WDR72: variants seen among roughly 807,000 people sequenced by gnomAD.
WDR72 encodes the protein WD repeat domain 72, also known as WD repeat-containing protein 72.
A neutral mutation model predicts 124.2 loss-of-function variants in WDR72; 120 were observed. That is an observed-to-expected ratio of 0.97 (90% CI 0.83 to 1.12). WDR72 has a LOEUF of 1.12. Ranked by LOEUF, WDR72 falls within the 50% of genes most tolerant of loss-of-function variation. WDR72 has a pLI of 0.00. For synonymous variants in WDR72, 452 were observed against 441.7 expected, an observed-to-expected ratio of 1.02 and a Z score of -0.29; for missense variants, 1,387 against 1,278.8, an observed-to-expected ratio of 1.08 and a Z score of -1.29.
intron 13 of WDR72, among the ~76,000 whole-genome samples, chr15:53,677,999 T>C (rs1301418194): frequency 6.6e-6 from 1 of 152,124 alleles, no homozygotes; most frequent in Non-Finnish European, 1.5e-5. Context: ...GTATTTTAAC[T>C]AAAAAGACAG....
In WDR72 at chr15:53,516,305, G is replaced by A. The variant is rs1891458066; in HGVS notation, c.*1394C>T. ...ATCTTTATCCTGGTATGTTTATTCA[G>A]ATCATCATTAATTATAAGTTCCTTA... is the stretch of plus-strand genomic sequence containing the variant. On this transcript the variant is annotated 3_prime_UTR_variant, in exon 20 of 20. Transcript: ENST00000360509. 1 of 152,060 alleles carries A rather than the reference G, an allele frequency of 6.6e-6. No homozygotes were observed. The highest frequency in any genetic ancestry group is 2.4e-5 in the African/African-American group (1 of 41,430). The allele number at this position is 152,060 out of a possible 1,614,324, so 9.4% of individuals were successfully genotyped here.
chr15:53,625,320 A>G (rs1343193806), intron 14 of WDR72, among the ~76,000 whole-genome samples: 2 of 152,174 alleles, frequency 1.3e-5, no homozygotes, highest in African/African-American at 4.8e-5. Context: ...TAATTCCCCA[A>G]CATGTGATTT....
In WDR72 at chr15:53,597,114, T is replaced by C; in HGVS notation, c.3113A>G (p.Glu1038Gly). The C allele has an allele frequency of 6.2e-7, 1 of 1,613,892 alleles. No individual in the cohort carries two copies. Among genetic ancestry groups the C allele is most frequent in the Non-Finnish European group, 8.5e-7 (1 of 1,179,872 alleles). Residue 1038 changes from glutamate to glycine, a missense_variant, in exon 18 of 20, where the codon GAG (glutamate) becomes GGG (glycine). By Grantham distance (98) the Glu-to-Gly change is moderately conservative (BLOSUM62 -2). Coordinates refer to ENST00000360509, the MANE Select transcript of WDR72 (RefSeq NM_182758.4). The part of the protein sequence containing the change: ...LPKLEWTEEL[E>G]LQCVRNTLPL... Reference sequence around the variant, plus strand: ...CAAAGTGTTTCTAACACACTGTAACTCTAGTTCTTCTGTCCATTCCAGCTT... The same window carrying C: ...CAAAGTGTTTCTAACACACTGTAACCCTAGTTCTTCTGTCCATTCCAGCTT...
At chr15:53,743,771 T>G (rs994866524) in intron 1 of WDR72, among the ~76,000 whole-genome samples, 3 of 147,868 alleles carry the variant, frequency 2.0e-5, no homozygotes, top group Non-Finnish European at 4.5e-5. Context: ...GGTCAGGAGA[T>G]CAAGACCATC....
At chr15:53,731,551 G>C (rs1193664968) in intron 2 of WDR72, among the ~76,000 whole-genome samples, 4 of 151,682 alleles carry the variant, frequency 2.6e-5, no homozygotes, top group African/African-American at 9.7e-5. Flanking sequence ...TCTGTAGATA[G>C]TAACAGATGT....
intron 18 of WDR72, among the ~76,000 whole-genome samples, chr15:53,539,709 G>C (rs1248763866): frequency 1.3e-5 from 2 of 151,340 alleles, no homozygotes; most frequent in Admixed American, 1.3e-4. Flanking sequence ...GAGAAAGAGA[G>C]ATTTTGAGGA....
At position 53,716,687 on chromosome 15, in the gene WDR72, T is replaced by C. The variant is rs747243413; in HGVS notation, c.261-2A>G. 2 of 1,568,762 alleles carry C rather than the reference T, an allele frequency of 1.3e-6. No individual in the cohort carries two copies. The highest frequency in any genetic ancestry group is 8.7e-7 in the Non-Finnish European group (1 of 1,149,820). ...GTGACATTCCAAACACACATCTCCC[T>C]AGCAGAAGATAACTTTGTGTTATTC... On this transcript the variant is annotated splice_acceptor_variant, in intron 3 of 19. Transcript: ENST00000360509. LOFTEE classifies it high-confidence loss of function.
chr15:53,724,542 G>A (rs1343287737), intron 2 of WDR72, among the ~76,000 whole-genome samples: 2 of 152,122 alleles, frequency 1.3e-5, no homozygotes, highest in African/African-American at 4.8e-5. Context: ...TGGCAGAGCA[G>A]GAGACAGAGA....
chr15:53,608,764 A>G (rs2013400623), intron 17 of WDR72, among the ~76,000 whole-genome samples: 1 of 147,978 alleles, frequency 6.8e-6, no homozygotes, highest in Non-Finnish European at 1.5e-5. Flanking sequence ...TCAAAAATAA[A>G]TAAATAAATA....
chr15:53,662,521 T>C (rs1412318879), intron 14 of WDR72, among the ~76,000 whole-genome samples: 4 of 152,178 alleles, frequency 2.6e-5, no homozygotes, highest in African/African-American at 7.2e-5. Flanking sequence ...TGTGTCTTAC[T>C]AAAATCCACA....
At position 53,571,196 on chromosome 15, in the gene WDR72, T is replaced by C. The variant is rs541151896; in HGVS notation, c.3148+25883A>G. Among the ~76,000 whole-genome samples the C allele has an allele frequency of 4.6e-5, 7 of 152,118 alleles. No homozygotes were observed. In the South Asian group the frequency reaches 1.5e-3, roughly 32 times the overall value. On this transcript the variant is annotated intron_variant, in intron 18 of 19. Coordinates refer to ENST00000360509, the MANE Select transcript of WDR72 (RefSeq NM_182758.4). ...GTTGAACTATTGGGTACTATGTTTA[T>C]TACTTGTGTGATAGGATCATGAGAA...
chr15:53,697,810 T>C (rs960959456), intron 13 of WDR72, among the ~76,000 whole-genome samples: 2 of 152,126 alleles, frequency 1.3e-5, no homozygotes, highest in Non-Finnish European at 2.9e-5. Context: ...GCACTTATTA[T>C]TATTATTTTT....
intron 7 of WDR72, 49 bp from the exon 8 acceptor site, chr15:53,711,530 C>T (rs897315566): frequency 6.3e-7 from 1 of 1,580,518 alleles, no homozygotes; most frequent in Non-Finnish European, 8.7e-7. Flanking sequence ...ATCTAGTCTG[C>T]CAATAAGATG....
At chr15:53,724,613 T>C (rs562736257) in intron 2 of WDR72, among the ~76,000 whole-genome samples, 10 of 152,106 alleles carry the variant, frequency 6.6e-5, no homozygotes, top group African/African-American at 2.4e-4. Context: ...TCACTCACTA[T>C]CACAAGAACA....
chr15:53,529,332 TG>T (rs1336758642), intron 18 of WDR72, among the ~76,000 whole-genome samples: 5 of 151,882 alleles, frequency 3.3e-5, no homozygotes, highest in Non-Finnish European at 5.9e-5. Context: ...ACCTTGGGCA[TG>T]CCGTTTCACT....
At chr15:53,701,559 T>TCTCTCTCTCTCACACACA (rs369568228) in intron 12 of WDR72, among the ~76,000 whole-genome samples, 16 of 120,166 alleles carry the variant, frequency 1.3e-4, no homozygotes, top group East Asian at 1.2e-3. Context: ...TCTCTCTCTC[T>TCTCTCTCTCTCACACACA]CACACACACA....
chr15:53,553,861 A>G (rs941626898), intron 18 of WDR72, among the ~76,000 whole-genome samples: 5 of 152,180 alleles, frequency 3.3e-5, no homozygotes. Flanking sequence ...AACCTTAAAA[A>G]TTTCCAACTA....
At chr15:53,613,565 T>C (rs2013632292) in intron 16 of WDR72, 101 bp downstream of exon 16, 2 of 789,272 alleles carry the variant, frequency 2.5e-6, no homozygotes, top group East Asian at 5.0e-5. Flanking sequence ...GTTTTATATA[T>C]GTTATTTATT....
intron 13 of WDR72, among the ~76,000 whole-genome samples, chr15:53,683,256 A>G (rs996248653): frequency 5.9e-5 from 9 of 152,156 alleles, no homozygotes; most frequent in African/African-American, 1.7e-4. Context: ...TAGAAGGCGT[A>G]AGTTCTGATG....
Sources: allele counts gnomAD v4.1 joint callset (sites outside exome capture counted in the v4.1 genomes callset), GRCh38; gene constraint gnomAD v4.1.1; transcripts MANE v1.5; gene names NCBI Gene and HGNC (gene_info 2026-07-23, HGNC 2026-07-21).